The following AOAH variants were observed in gnomAD, a reference collection of about 807,000 sequenced individuals.
AOAH encodes acyloxyacyl hydrolase (neutrophil).
A neutral mutation model predicts 92.2 loss-of-function variants in AOAH; 64 were observed. The observed-to-expected ratio is 0.69, with a 90% CI of 0.57 to 0.86. AOAH has a LOEUF of 0.86. Among genes scored for constraint, AOAH ranks in the 40% least tolerant of loss-of-function variants. The pLI is 0.00. For synonymous variants in AOAH, 263 were observed against 254.5 expected, an observed-to-expected ratio of 1.03 and a Z score of -0.32; for missense variants, 656 against 694.6, an observed-to-expected ratio of 0.94 and a Z score of 0.62.
intron 18 of AOAH, 81 bp from the exon 19 acceptor site, chr7:36,530,595 T>C: frequency 1.1e-6 from 1 of 901,986 alleles, no homozygotes; most frequent in South Asian, 1.4e-5. Context: ...AACAAAGAAA[T>C]CGATCTTCCC....
At chr7:36,639,681 C>G (rs968260919) in intron 4 of AOAH, among the ~76,000 whole-genome samples, 12 of 152,178 alleles carry the variant, frequency 7.9e-5, no homozygotes, top group African/African-American at 2.7e-4. Context: ...GTAATAAATG[C>G]TTTCAAAAAA....
At chr7:36,719,878 G>A (rs887249218) in intron 1 of AOAH, among the ~76,000 whole-genome samples, 2 of 151,886 alleles carry the variant, frequency 1.3e-5, no homozygotes, top group African/African-American at 4.8e-5. Context: ...TGAGGCTTCA[G>A]TGTGCTATAA....
intron 6 of AOAH, among the ~76,000 whole-genome samples, chr7:36,628,493 A>G (rs1792833807): frequency 2.6e-5 from 4 of 152,126 alleles, no homozygotes; most frequent in Admixed American, 1.3e-4. Context: ...CTGCTAAGAA[A>G]TGGGATCCCT....
intron 3 of AOAH, among the ~76,000 whole-genome samples, chr7:36,660,787 A>G (rs1484571757): frequency 3.3e-5 from 5 of 152,344 alleles, no homozygotes; most frequent in South Asian, 4.1e-4. Flanking sequence ...TCTTACCAAG[A>G]AAAGTGAGTA....
intron 1 of AOAH, among the ~76,000 whole-genome samples, chr7:36,698,530 TA>T (rs1397086934): frequency 6.6e-6 from 1 of 152,102 alleles, no homozygotes; most frequent in East Asian, 1.9e-4. Flanking sequence ...TTATTAATTT[TA>T]GATTTTTCTT....
chr7:36,613,633 C>T (rs1791642756), intron 11 of AOAH, among the ~76,000 whole-genome samples: 2 of 152,174 alleles, frequency 1.3e-5, no homozygotes, highest in African/African-American at 4.8e-5. Context: ...AGAATTTCCC[C>T]AGCTGCCTGA....
chr7:36,549,528 C>G, intron 13 of AOAH, 53 bp from the exon 14 acceptor site: 1 of 1,253,560 alleles, frequency 8.0e-7, no homozygotes, highest in Non-Finnish European at 1.2e-6. Flanking sequence ...CAATTTCACA[C>G]TATCAATATG....
At chr7:36,682,537 G>T (rs1796719100) in intron 2 of AOAH, among the ~76,000 whole-genome samples, 1 of 151,654 alleles carries the variant, frequency 6.6e-6, no homozygotes, top group Non-Finnish European at 1.5e-5. Flanking sequence ...TGCCAAAAAA[G>T]GATTAAAACA....
At chr7:36,624,404 A>G (rs1489618206) in intron 6 of AOAH, among the ~76,000 whole-genome samples, 1 of 152,232 alleles carries the variant, frequency 6.6e-6, no homozygotes, top group African/African-American at 2.4e-5. Context: ...GACCATGCAG[A>G]GCCTAAATGG....
intron 19 of AOAH, among the ~76,000 whole-genome samples, chr7:36,524,964 A>G (rs1348368461): frequency 6.6e-6 from 1 of 152,248 alleles, no homozygotes; most frequent in Non-Finnish European, 1.5e-5. Context: ...AGGTATGCTA[A>G]TAACAGCAGG....
At chr7:36,678,550 AGTGTGTGTGT>A (rs529261307) in intron 2 of AOAH, among the ~76,000 whole-genome samples, 16,697 of 118,854 alleles carry the variant, frequency 0.14, 1,156 homozygotes, top group East Asian at 0.21. Flanking sequence ...TAAGATAAGC[AGTGTGTGTGT>A]GTGTGTGTGT....
chr7:36,665,453 T>C (rs1445515396), intron 3 of AOAH, among the ~76,000 whole-genome samples: 1 of 152,088 alleles, frequency 6.6e-6, no homozygotes, highest in Non-Finnish European at 1.5e-5. Context: ...TGCCGATTCT[T>C]TTGGATTTTC....
At chr7:36,565,746 C>T (rs1040837795) in intron 13 of AOAH, among the ~76,000 whole-genome samples, 1 of 151,704 alleles carries the variant, frequency 6.6e-6, no homozygotes, top group Non-Finnish European at 1.5e-5. Flanking sequence ...TCTCGCTATG[C>T]GCAGACTTGT....
At chr7:36,606,034 T>A (rs13231285) in intron 11 of AOAH, among the ~76,000 whole-genome samples, 8,400 of 152,310 alleles carry the variant, frequency 0.055, 261 homozygotes, top group East Asian at 0.098. Flanking sequence ...CCAGTTTTAC[T>A]AAACAATAGC....
At chr7:36,531,557 A>G (rs1421068316) in intron 18 of AOAH, among the ~76,000 whole-genome samples, 1 of 152,146 alleles carries the variant, frequency 6.6e-6, no homozygotes, top group Admixed American at 6.5e-5. Context: ...CATGTTGATC[A>G]GGCTGGTCTC....
At chr7:36,609,274 C>G (rs1791241344) in intron 11 of AOAH, among the ~76,000 whole-genome samples, 1 of 152,208 alleles carries the variant, frequency 6.6e-6, no homozygotes, top group South Asian at 2.1e-4. Context: ...ATTTTCCTAG[C>G]TGGTCTTGCT....
intron 4 of AOAH, among the ~76,000 whole-genome samples, chr7:36,646,039 A>G (rs1281828227): frequency 6.6e-6 from 1 of 152,114 alleles, no homozygotes; most frequent in Non-Finnish European, 1.5e-5. Flanking sequence ...TATTCCCACC[A>G]ACTCCTTTTC....
At chr7:36,708,836 G>A (rs1422096367) in intron 1 of AOAH, among the ~76,000 whole-genome samples, 7 of 152,104 alleles carry the variant, frequency 4.6e-5, no homozygotes, top group East Asian at 1.9e-4. Flanking sequence ...TAGAGTCATC[G>A]AGCAACTTTT....
chr7:36,594,520 G>A, intron 11 of AOAH, 90 bp from the exon 12 acceptor site: 1 of 1,077,462 alleles, frequency 9.3e-7, no homozygotes, highest in Non-Finnish European at 1.4e-6. Flanking sequence ...GTTGCTCTCT[G>A]TGTGTCTGTT....
Sources: allele counts gnomAD v4.1 joint callset (sites outside exome capture counted in the v4.1 genomes callset), GRCh38; gene constraint gnomAD v4.1.1; transcripts MANE v1.5; gene names NCBI Gene and HGNC (gene_info 2026-07-23, HGNC 2026-07-21).